RGS17: variants seen among roughly 807,000 people sequenced by gnomAD.
The protein encoded by RGS17 is regulator of G-protein signaling 17.
RGS17 carries 12 observed loss-of-function variants against 25.5 expected under a neutral mutation model. That is an observed-to-expected ratio of 0.47 (90% CI 0.30 to 0.76). The LOEUF (loss-of-function observed/expected upper bound fraction) is 0.76. RGS17 is among the 30% of genes least tolerant of loss of function. RGS17 has a pLI of 0.07. For synonymous variants in RGS17, 71 were observed against 76.9 expected (o/e 0.92, Z 0.40); for missense variants, 196 against 242.2 (o/e 0.81, Z 1.27).
chr6:153,122,349 T>C (rs1425610627), intron 1 of RGS17, among the ~76,000 whole-genome samples: 1 of 152,146 alleles, frequency 6.6e-6, no homozygotes, highest in African/African-American at 2.4e-5. Flanking sequence ...TCTCTATTGT[T>C]TGGTTTTGAG....
chr6:153,036,408 C>T (rs538011157), intron 2 of RGS17, among the ~76,000 whole-genome samples: 1 of 152,238 alleles, frequency 6.6e-6, no homozygotes, highest in African/African-American at 2.4e-5. Context: ...ACTGTGTTTG[C>T]AACTCTCTCA....
chr6:153,057,895 T>C (rs1432444627), intron 1 of RGS17, among the ~76,000 whole-genome samples: 1 of 152,148 alleles, frequency 6.6e-6, no homozygotes, highest in Non-Finnish European at 1.5e-5. Context: ...CACTGCTGAT[T>C]TGACGGGAGG....
At chr6:153,097,845 T>G (rs918343620) in intron 1 of RGS17, among the ~76,000 whole-genome samples, 4 of 152,092 alleles carry the variant, frequency 2.6e-5, no homozygotes, top group African/African-American at 9.7e-5. Context: ...ATGGCAATAA[T>G]GAGTGGTACA....
At chr6:153,128,085 CTTGGCTACCTA>C (rs1010470219) in intron 1 of RGS17, among the ~76,000 whole-genome samples, 1 of 152,106 alleles carries the variant, frequency 6.6e-6, no homozygotes, top group Non-Finnish European at 1.5e-5. Context: ...CACTGAAAGT[CTTGGCTACCTA>C]TTGGCTACCT....
chr6:153,084,344 AT>A (rs1173107938), intron 1 of RGS17, among the ~76,000 whole-genome samples: 4 of 152,108 alleles, frequency 2.6e-5, no homozygotes, highest in African/African-American at 9.7e-5. Flanking sequence ...TTTGTTTTCT[AT>A]TTTATTCTAG....
At chr6:153,029,704 C>A (rs1779341813) in intron 2 of RGS17, among the ~76,000 whole-genome samples, 1 of 152,012 alleles carries the variant, frequency 6.6e-6, no homozygotes, top group South Asian at 2.1e-4. Context: ...GATTCTCCTG[C>A]CTCAGCTTCC....
chr6:153,101,417 C>T (rs184653193), intron 1 of RGS17, among the ~76,000 whole-genome samples: 14 of 152,186 alleles, frequency 9.2e-5, no homozygotes, highest in East Asian at 5.8e-4. Context: ...GGAACCAATC[C>T]GCCATGGAGG....
intron 2 of RGS17, among the ~76,000 whole-genome samples, chr6:153,035,583 T>C (rs1454630665): frequency 6.6e-6 from 1 of 152,214 alleles, no homozygotes; most frequent in African/African-American, 2.4e-5. Flanking sequence ...TGAAATTTTA[T>C]AAATAAGGGT....
chr6:153,033,681 G>A (rs895590372), intron 2 of RGS17, among the ~76,000 whole-genome samples: 4 of 152,036 alleles, frequency 2.6e-5, no homozygotes, highest in African/African-American at 9.7e-5. Context: ...TGGCACCACT[G>A]CACTCCAGCT....
At chr6:153,077,878 TA>T (rs1217429414) in intron 1 of RGS17, among the ~76,000 whole-genome samples, 4 of 101,002 alleles carry the variant, frequency 4.0e-5, no homozygotes, top group Admixed American at 2.0e-4. Flanking sequence ...GTATCTTTTT[TA>T]TTTTTTTTTT....
Position 153,098,965 on chromosome 6 carries a change from C to T in RGS17, c.-26+32159G>A, listed in dbSNP as rs552957729. Among the ~76,000 whole-genome samples, 8 of 152,212 alleles carry T rather than the reference C, an allele frequency of 5.3e-5. No individual in the cohort carries two copies. In the South Asian group the frequency reaches 1.5e-3, roughly 28 times the overall value. ...ATTTTTGGGGTCAATGTTAAGTGAT[C>T]ATTTATTCTGATTTGCTTGGAGATG... On this transcript the variant is annotated intron_variant, in intron 1 of 4. Transcript: ENST00000206262.
chr6:153,119,265 A>T (rs1391937769), intron 1 of RGS17, among the ~76,000 whole-genome samples: 1 of 152,136 alleles, frequency 6.6e-6, no homozygotes, highest in Non-Finnish European at 1.5e-5. Context: ...CTTGTAGTTC[A>T]TTCACCCTCC....
intron 1 of RGS17, among the ~76,000 whole-genome samples, chr6:153,058,559 C>T (rs968464490): frequency 2.0e-5 from 3 of 152,180 alleles, no homozygotes; most frequent in South Asian, 2.1e-4. Flanking sequence ...TGAAAGCATC[C>T]GGTTTTACCA....
At chr6:153,058,414 A>C (rs534503166) in intron 1 of RGS17, among the ~76,000 whole-genome samples, 7 of 152,316 alleles carry the variant, frequency 4.6e-5, no homozygotes, top group African/African-American at 1.4e-4. Flanking sequence ...GGTTTGGTTT[A>C]TTATTTCACC....
intron 1 of RGS17, among the ~76,000 whole-genome samples, chr6:153,077,576 A>G (rs1038065768): frequency 1.1e-4 from 16 of 152,176 alleles, no homozygotes; most frequent in South Asian, 6.2e-4. Context: ...TCATTATTAG[A>G]AAGTCGGGGC....
intron 2 of RGS17, among the ~76,000 whole-genome samples, chr6:153,036,549 T>C (rs1163544236): frequency 6.6e-6 from 1 of 152,190 alleles, no homozygotes. Context: ...GATTGTCATA[T>C]TTCATCCACG....
Position 153,008,547 on chromosome 6 carries a change from C to G in RGS17, c.*3027G>C, listed in dbSNP as rs1249204323. On this transcript the variant is annotated 3_prime_UTR_variant, in exon 5 of 5. Coordinates refer to ENST00000206262, the MANE Select transcript of RGS17 (RefSeq NM_012419.5). The stretch of plus-strand genomic sequence containing the variant: ...GATCAATCTCTGAAGAAATCTGGCT[C>G]TCCAATTTATTTATATATACATAAT... 6.6e-6 allele frequency: 1 copy of G among 152,166 alleles called. No homozygotes were observed. Among genetic ancestry groups the G allele is most frequent in the African/African-American group, 2.4e-5 (1 of 41,436 alleles). 9.4% of individuals were successfully genotyped at this position (152,166 alleles called of 1,614,324 possible).
chr6:153,075,885 C>G (rs1315293945), intron 1 of RGS17, among the ~76,000 whole-genome samples: 1 of 152,156 alleles, frequency 6.6e-6, no homozygotes, highest in East Asian at 1.9e-4. Context: ...CATTTGCTTA[C>G]TTTTACAAAA....
At chr6:153,087,508 G>C (rs1296317312) in intron 1 of RGS17, among the ~76,000 whole-genome samples, 1 of 152,124 alleles carries the variant, frequency 6.6e-6, no homozygotes, top group Non-Finnish European at 1.5e-5. Flanking sequence ...AGATAACTCA[G>C]GCAGATCTGA....
Sources: allele counts gnomAD v4.1 joint callset (sites outside exome capture counted in the v4.1 genomes callset), GRCh38; gene constraint gnomAD v4.1.1; transcripts MANE v1.5; gene names NCBI Gene and HGNC (gene_info 2026-07-23, HGNC 2026-07-21).